RIMS2: variants seen among roughly 807,000 people sequenced by gnomAD.
RIMS2 encodes regulating synaptic membrane exocytosis protein 2.
In RIMS2, 59 loss-of-function variants were observed where a neutral mutation model predicts 174.4. The ratio of observed to expected loss-of-function variants is 0.34; its 90% confidence interval spans 0.27 to 0.42. The LOEUF (loss-of-function observed/expected upper bound fraction) is 0.42, where lower values mean the gene tolerates loss of function less well. RIMS2 is among the 10% of genes least tolerant of loss of function. RIMS2 has a pLI of 1.00. For missense variants in RIMS2, 1,620 were observed against 1,666.3 expected (o/e 0.97, Z 0.48); for synonymous variants, 606 against 572.5 (o/e 1.06, Z -0.84).
At chr8:104,185,551 C>T (rs1443006789) in intron 19 of RIMS2, among the ~76,000 whole-genome samples, 1 of 151,520 alleles carries the variant, frequency 6.6e-6, no homozygotes, top group Non-Finnish European at 1.5e-5. Flanking sequence ...GTCATTAAAA[C>T]TTCAAACAAT....
intron 1 of RIMS2, among the ~76,000 whole-genome samples, chr8:103,654,222 T>C (rs1212334261): frequency 6.6e-6 from 1 of 152,016 alleles, no homozygotes; most frequent in Non-Finnish European, 1.5e-5. Context: ...CCATATTATG[T>C]ATTAATTACC....
At chr8:103,845,408 A>C (rs2098962560) in intron 3 of RIMS2, among the ~76,000 whole-genome samples, 1 of 152,088 alleles carries the variant, frequency 6.6e-6, no homozygotes, top group Non-Finnish European at 1.5e-5. Context: ...AACGATTTTA[A>C]AACAATTGGA....
At chr8:103,604,523 C>G (rs1251376628) in intron 1 of RIMS2, among the ~76,000 whole-genome samples, 1 of 151,800 alleles carries the variant, frequency 6.6e-6, no homozygotes, top group Non-Finnish European at 1.5e-5. Context: ...TAGTTTTTTC[C>G]AATTCTGTGA....
intron 1 of RIMS2, among the ~76,000 whole-genome samples, chr8:103,605,765 T>C (rs971760543): frequency 3.3e-5 from 5 of 152,042 alleles, no homozygotes; most frequent in Admixed American, 3.3e-4. Flanking sequence ...CCATTTCTGC[T>C]AGATTTTCTA....
intron 1 of RIMS2, among the ~76,000 whole-genome samples, chr8:103,544,174 C>T (rs184467217): frequency 5.9e-5 from 9 of 152,174 alleles, no homozygotes; most frequent in Admixed American, 2.0e-4. Context: ...CCAGCAGTCC[C>T]GCTTTTCTGT....
chr8:103,995,838 C>A (rs72683130), intron 17 of RIMS2, among the ~76,000 whole-genome samples: 19,279 of 151,596 alleles, frequency 0.13, 1,701 homozygotes, highest in Non-Finnish European at 0.19. Context: ...ACATAGTAAA[C>A]CTGATTTAAG....
intron 19 of RIMS2, among the ~76,000 whole-genome samples, chr8:104,095,368 C>T (rs998557282): frequency 6.6e-6 from 1 of 151,964 alleles, no homozygotes; most frequent in Non-Finnish European, 1.5e-5. Flanking sequence ...AGAATAGATG[C>T]CTTAGGGTTT....
rs1306007204 is a variant in RIMS2, at chr8:104,095,107, A to G, written c.3334+80492A>G. Among the ~76,000 whole-genome samples, 3 of 152,194 alleles carry G rather than the reference A, an allele frequency of 2.0e-5. No homozygotes were observed. The East Asian group carries it at 5.8e-4, about 29-fold the overall frequency. Reference sequence around the variant, plus strand: ...TTACCAATATTGAAAACTGCTTCAGACAAAAATAAGGCAGAGTTCTTTAAA... The same window carrying G: ...TTACCAATATTGAAAACTGCTTCAGGCAAAAATAAGGCAGAGTTCTTTAAA... On this transcript the variant is annotated intron_variant, in intron 19 of 23. Transcript: ENST00000504942.
At chr8:103,555,800 CAAAAAA>C (rs35932194) in intron 1 of RIMS2, among the ~76,000 whole-genome samples, 1 of 135,510 alleles carries the variant, frequency 7.4e-6, no homozygotes, top group Non-Finnish European at 1.6e-5. Flanking sequence ...CTCTCTCTCT[CAAAAAA>C]AAAAAAAAGA....
intron 2 of RIMS2, among the ~76,000 whole-genome samples, chr8:103,751,632 T>C (rs1309762022): frequency 6.6e-6 from 1 of 151,340 alleles, no homozygotes; most frequent in African/African-American, 2.4e-5. Flanking sequence ...TTTTAATGAT[T>C]GCCATTCTAA....
intron 19 of RIMS2, among the ~76,000 whole-genome samples, chr8:104,106,769 A>G (rs1413163692): frequency 6.6e-6 from 1 of 152,224 alleles, no homozygotes; most frequent in African/African-American, 2.4e-5. Context: ...GCTGTTATTC[A>G]AACTAAATGC....
intron 1 of RIMS2, among the ~76,000 whole-genome samples, chr8:103,676,105 C>A (rs1453278897): frequency 6.6e-6 from 1 of 152,062 alleles, no homozygotes; most frequent in African/African-American, 2.4e-5. Context: ...CAGAAAACTA[C>A]CTTAAACAAA....
intron 3 of RIMS2, among the ~76,000 whole-genome samples, chr8:103,808,481 A>G (rs188007675): frequency 6.6e-6 from 1 of 152,222 alleles, no homozygotes; most frequent in Non-Finnish European, 1.5e-5. Context: ...CTAAAGTTAT[A>G]TCTTCAGTTG....
chr8:103,903,091 G>T (rs929488423), intron 4 of RIMS2, among the ~76,000 whole-genome samples: 1 of 151,934 alleles, frequency 6.6e-6, no homozygotes, highest in Non-Finnish European at 1.5e-5. Context: ...TTTAAAAAAT[G>T]ATGATGAGAT....
At chr8:104,178,649 C>G (rs979757256) in intron 19 of RIMS2, among the ~76,000 whole-genome samples, 6 of 152,120 alleles carry the variant, frequency 3.9e-5, no homozygotes, top group Admixed American at 2.0e-4. Context: ...ACGTCAGCAA[C>G]AGTAAGCCAT....
At chr8:103,511,542 A>T (rs1381554286) in intron 1 of RIMS2, among the ~76,000 whole-genome samples, 1 of 152,176 alleles carries the variant, frequency 6.6e-6, no homozygotes, top group East Asian at 1.9e-4. Context: ...AGTCTGGTTT[A>T]ATGAAAAGAT....
At chr8:104,203,705 T>C (rs953568772) in intron 19 of RIMS2, among the ~76,000 whole-genome samples, 4 of 152,022 alleles carry the variant, frequency 2.6e-5, no homozygotes, top group African/African-American at 7.2e-5. Context: ...GTTTTCACCA[T>C]GTTGGCTAGT....
At chr8:103,991,039 A>G (rs190634910) in intron 17 of RIMS2, among the ~76,000 whole-genome samples, 2 of 151,966 alleles carry the variant, frequency 1.3e-5, no homozygotes, top group East Asian at 3.9e-4. Context: ...ATTAGTTAAT[A>G]TGGTCATATT....
intron 2 of RIMS2, among the ~76,000 whole-genome samples, chr8:103,732,191 A>G (rs779862552): frequency 2.6e-5 from 4 of 152,238 alleles, no homozygotes; most frequent in Non-Finnish European, 5.9e-5. Context: ...TGACTCTAAC[A>G]GACTCACCGA....
Sources: gnomAD v4.1 joint callset for allele counts (sites outside exome capture counted in the v4.1 genomes callset) on GRCh38, gnomAD v4.1.1 for gene constraint, MANE v1.5 for transcripts, NCBI Gene and HGNC (gene_info 2026-07-23, HGNC 2026-07-21) for gene names.